RANBP17: variants seen among roughly 807,000 people sequenced by gnomAD.
RANBP17 encodes the protein RAN binding protein 17.
RANBP17 carries 158 observed loss-of-function variants against 141.2 expected under a neutral mutation model. The observed-to-expected ratio is 1.12, with a 90% CI of 0.98 to 1.28. The LOEUF (loss-of-function observed/expected upper bound fraction) is 1.28. RANBP17 is among the 50% of genes most tolerant of loss of function. The pLI, the probability that RANBP17 is intolerant of heterozygous loss-of-function variation, is 0.00. For synonymous variants in RANBP17, 430 were observed against 450.0 expected (o/e 0.96, Z 0.56); for missense variants, 1,438 against 1,290.7 (o/e 1.11, Z -1.75).
intron 14 of RANBP17, among the ~76,000 whole-genome samples, chr5:170,975,667 A>C (rs1188124758): frequency 6.6e-6 from 1 of 152,190 alleles, no homozygotes; most frequent in Non-Finnish European, 1.5e-5. Context: ...AAGGGCACTA[A>C]TCCCCCTTAT....
At position 170,862,029 on chromosome 5, in the gene RANBP17, G is replaced by A. The variant is rs1209682142; in HGVS notation, c.-5G>A. On this transcript the variant is annotated 5_prime_UTR_variant, in exon 1 of 28. Coordinates refer to ENST00000523189, the MANE Select transcript of RANBP17 (RefSeq NM_022897.5). ...GCCGGCTGGCCGGCGCCGCCTCCTGGGAAGATGGCGCTGCACTTCCAGGTC... is the reference window on the plus strand; with the variant it reads ...GCCGGCTGGCCGGCGCCGCCTCCTGAGAAGATGGCGCTGCACTTCCAGGTC... 6.8e-7 allele frequency: 1 copy of A among 1,461,018 alleles called. No individual in the cohort carries two copies. Among genetic ancestry groups the A allele is most frequent in the Admixed American group, 2.5e-5 (1 of 39,400 alleles). The allele number at this position is 1,461,018 out of a possible 1,614,324, so 90.5% of individuals were successfully genotyped here. A position where few individuals can be genotyped will look rare whatever the true frequency, so the allele number is the denominator to read the frequency against.
chr5:170,924,041 C>T (rs1210560431), intron 11 of RANBP17, among the ~76,000 whole-genome samples: 1 of 151,174 alleles, frequency 6.6e-6, no homozygotes, highest in Non-Finnish European at 1.5e-5. Flanking sequence ...CCTGTCACCC[C>T]AGCTGGAGTG....
chr5:171,290,461 C>G (rs763017049), intron 25 of RANBP17, among the ~76,000 whole-genome samples: 12 of 152,020 alleles, frequency 7.9e-5, no homozygotes, highest in Non-Finnish European at 1.6e-4. Context: ...CTTTACATCC[C>G]ATGTTAGGGT....
chr5:171,228,502 A>C (rs1043223235), intron 22 of RANBP17, among the ~76,000 whole-genome samples: 1 of 152,230 alleles, frequency 6.6e-6, no homozygotes, highest in African/African-American at 2.4e-5. Flanking sequence ...ACTTGTGGCA[A>C]AAAGCTTTAA....
At chr5:170,995,193 G>A (rs974653075) in intron 14 of RANBP17, among the ~76,000 whole-genome samples, 2 of 152,072 alleles carry the variant, frequency 1.3e-5, no homozygotes, top group Admixed American at 6.6e-5. Context: ...AAACATTTCC[G>A]AGACATGTTG....
intron 22 of RANBP17, among the ~76,000 whole-genome samples, chr5:171,229,145 T>C (rs562697732): frequency 2.6e-4 from 40 of 152,298 alleles, no homozygotes; most frequent in African/African-American, 8.7e-4. Context: ...CTCGAGAGAA[T>C]AGATTGTCCA....
intron 25 of RANBP17, among the ~76,000 whole-genome samples, chr5:171,275,440 C>T (rs1047408096): frequency 2.5e-4 from 38 of 152,136 alleles, no homozygotes; most frequent in Middle Eastern, 3.2e-3. Context: ...TAGATTCATT[C>T]TTCCTGTACA....
chr5:171,023,168 T>C (rs1195566848), intron 14 of RANBP17, among the ~76,000 whole-genome samples: 3 of 152,202 alleles, frequency 2.0e-5, no homozygotes, highest in Non-Finnish European at 4.4e-5. Flanking sequence ...ATGCCTATTA[T>C]AGTTCTTTTT....
chr5:171,105,664 A>C (rs2127750696), intron 14 of RANBP17, among the ~76,000 whole-genome samples: 1 of 151,930 alleles, frequency 6.6e-6, no homozygotes, highest in Non-Finnish European at 1.5e-5. Context: ...GTTCCAGTGA[A>C]CTGTGATCAC....
At chr5:171,266,794 C>T (rs578219268) in intron 25 of RANBP17, among the ~76,000 whole-genome samples, 25 of 152,016 alleles carry the variant, frequency 1.6e-4, no homozygotes, top group African/African-American at 5.5e-4. Flanking sequence ...CACCTGTAGT[C>T]CCAGCTAGTC....
rs1030780944 is a variant in RANBP17 at position 171,282,640 on chromosome 5, G to A, written c.2944-11243G>A. On this transcript the variant is annotated intron_variant, in intron 25 of 27. Coordinates refer to ENST00000523189, the MANE Select transcript of RANBP17 (RefSeq NM_022897.5). ...ATTACAGGTGCGCACCACCACTCCA[G>A]GCTAATTTTTTGTATTTTTAGTAGA... Among the ~76,000 whole-genome samples, 123 of 152,114 alleles carry A rather than the reference G, an allele frequency of 8.1e-4. 1 individual carries two copies. The highest frequency in any genetic ancestry group is 3.4e-4 in the Non-Finnish European group (23 of 67,996).
chr5:171,078,448 G>A (rs2127704656), intron 14 of RANBP17, among the ~76,000 whole-genome samples: 1 of 152,306 alleles, frequency 6.6e-6, no homozygotes, highest in East Asian at 1.9e-4. Flanking sequence ...GAGCCACCAT[G>A]CCTGACTCAA....
At chr5:170,899,560 A>G (rs988146824) in intron 5 of RANBP17, among the ~76,000 whole-genome samples, 2 of 152,222 alleles carry the variant, frequency 1.3e-5, no homozygotes, top group Non-Finnish European at 2.9e-5. Flanking sequence ...ACTACATTGA[A>G]TAGGAGTGGT....
chr5:171,221,386 A>G (rs1435480918), intron 21 of RANBP17, among the ~76,000 whole-genome samples: 1 of 152,212 alleles, frequency 6.6e-6, no homozygotes, highest in Non-Finnish European at 1.5e-5. Context: ...AAATGGAAAT[A>G]TATATCATTA....
chr5:170,877,680 G>T (rs755792841), intron 1 of RANBP17, among the ~76,000 whole-genome samples: 4 of 152,062 alleles, frequency 2.6e-5, no homozygotes, highest in Non-Finnish European at 5.9e-5. Flanking sequence ...TTTATCAGCC[G>T]CACTGACCTT....
chr5:170,878,006 C>T, intron 1 of RANBP17, 91 bp from the exon 2 acceptor site: 2 of 854,858 alleles, frequency 2.3e-6, no homozygotes, highest in Admixed American at 5.8e-5. Context: ...AATGAATACA[C>T]ATGTGATATT....
At position 171,299,854 on chromosome 5, in the gene RANBP17, A is replaced by G. The variant is rs1769022128; in HGVS notation, c.*996A>G. 2 of 218,086 alleles carry G rather than the reference A, an allele frequency of 9.2e-6. No individual in the cohort carries two copies. Among genetic ancestry groups the G allele is most frequent in the African/African-American group, 4.5e-5 (2 of 44,542 alleles). 13.5% of individuals were successfully genotyped at this position (218,086 alleles called of 1,614,324 possible). On this transcript the variant is annotated 3_prime_UTR_variant, in exon 28 of 28. Coordinates refer to ENST00000523189, the MANE Select transcript of RANBP17 (RefSeq NM_022897.5). ...GTTTGTGCTCTACTGTTACTAGGCT[A>G]TTAATTTGAGATCGTCCACTGTCAA...
intron 14 of RANBP17, among the ~76,000 whole-genome samples, chr5:171,145,996 C>T (rs1758005873): frequency 6.6e-6 from 1 of 152,124 alleles, no homozygotes; most frequent in Non-Finnish European, 1.5e-5. Context: ...CAATCTCAAA[C>T]ATTTTACATA....
At chr5:171,129,391 G>A (rs1468837197) in intron 14 of RANBP17, among the ~76,000 whole-genome samples, 1 of 152,166 alleles carries the variant, frequency 6.6e-6, no homozygotes. Context: ...AATTAAAGCT[G>A]TGTGGACTTT....
Sources: allele counts gnomAD v4.1 joint callset (sites outside exome capture counted in the v4.1 genomes callset), GRCh38; gene constraint gnomAD v4.1.1; transcripts MANE v1.5; gene names NCBI Gene and HGNC (gene_info 2026-07-23, HGNC 2026-07-21).